MARCHF11: variants seen among roughly 807,000 people sequenced by gnomAD.
MARCHF11 encodes the protein E3 ubiquitin-protein ligase MARCHF11.
Under a neutral mutation model 37.3 loss-of-function variants are expected in MARCHF11, and 29 were observed. The ratio of observed to expected loss-of-function variants is 0.78; its 90% CI spans 0.58 to 1.06. MARCHF11 has a LOEUF of 1.06. Ranked by LOEUF, MARCHF11 falls within the 50% of genes least tolerant of loss-of-function variation. The probability of loss-of-function intolerance (pLI) is 0.00; values close to 1 mark genes in which losing one functional copy is unlikely to be tolerated. For missense variants in MARCHF11, 482 were observed against 533.4 expected, an observed-to-expected ratio of 0.90 and a Z score of 0.95; for synonymous variants, 233 against 228.0, an observed-to-expected ratio of 1.02 and a Z score of -0.20.
At chr5:16,073,125 A>C (rs533922245) in intron 3 of MARCHF11, among the ~76,000 whole-genome samples, 1 of 152,340 alleles carries the variant, frequency 6.6e-6, no homozygotes, top group Admixed American at 6.5e-5. Flanking sequence ...CACAGGAAGC[A>C]AATGAGGACT....
At chr5:16,138,671 A>G (rs964233206) in intron 2 of MARCHF11, among the ~76,000 whole-genome samples, 3 of 152,204 alleles carry the variant, frequency 2.0e-5, no homozygotes, top group Non-Finnish European at 1.5e-5. Context: ...CAACTCGTGA[A>G]AACAGCCAGG....
chr5:16,144,359 C>A (rs1232212604), intron 2 of MARCHF11, among the ~76,000 whole-genome samples: 1 of 152,150 alleles, frequency 6.6e-6, no homozygotes, highest in Non-Finnish European at 1.5e-5. Context: ...ATACCCAGAC[C>A]ATGCACACTC....
intron 2 of MARCHF11, among the ~76,000 whole-genome samples, chr5:16,127,457 G>A (rs1203299701): frequency 3.3e-5 from 5 of 152,148 alleles, no homozygotes; most frequent in Non-Finnish European, 5.9e-5. Context: ...GTGAGCAAAC[G>A]GAACTTTTTA....
chr5:16,096,559 G>C (rs796923455), intron 2 of MARCHF11, among the ~76,000 whole-genome samples: 5 of 152,304 alleles, frequency 3.3e-5, no homozygotes, highest in African/African-American at 1.2e-4. Context: ...TGAGAAATTA[G>C]AAAAGCACTC....
intron 3 of MARCHF11, among the ~76,000 whole-genome samples, chr5:16,082,300 C>T (rs921850910): frequency 3.9e-5 from 6 of 152,228 alleles, no homozygotes; most frequent in Non-Finnish European, 1.5e-5. Context: ...TCCTGGGGCG[C>T]GAAGCATGCT....
chr5:16,095,296 C>T (rs77867510), intron 2 of MARCHF11, among the ~76,000 whole-genome samples: 2,369 of 152,234 alleles, frequency 0.016, 69 homozygotes, highest in African/African-American at 0.053. Flanking sequence ...AGATGTCCCT[C>T]TAAGCTTCAG....
At chr5:16,080,280 C>T (rs1736585501) in intron 3 of MARCHF11, among the ~76,000 whole-genome samples, 1 of 152,180 alleles carries the variant, frequency 6.6e-6, no homozygotes, top group Non-Finnish European at 1.5e-5. Context: ...TGGCCACTTG[C>T]TCCTCCTCCT....
chr5:16,179,221 G>C lies in MARCHF11; in HGVS notation c.355C>G (p.Pro119Ala). The change falls in exon 1 of 4, where the codon CCC becomes GCC. Residue 119 changes from proline to alanine, a missense_variant. By Grantham distance (27) the Pro-to-Ala change is conservative. Coordinates refer to ENST00000332432, the MANE Select transcript of MARCHF11 (RefSeq NM_001102562.3). ...LPEAAAAKGGPGESEAGAGGE... is the reference protein window; with the variant it reads ...LPEAAAAKGGAGESEAGAGGE... ...CCCGCGCCGGCCTCAGACTCCCCGG[G>C]GCCGCCTTTCGCTGCTGCCGCCTCC... is the stretch of plus-strand genomic sequence containing the variant. The C allele has an allele frequency of 7.4e-7, 1 of 1,351,000 alleles. No homozygotes were observed. Among genetic ancestry groups the C allele is most frequent in the Admixed American group, 3.3e-5 (1 of 30,088 alleles). The allele number at this position is 1,351,000 out of a possible 1,614,324, so 83.7% of individuals were successfully genotyped here.
At chr5:16,084,699 C>T (rs567779735) in intron 3 of MARCHF11, among the ~76,000 whole-genome samples, 1 of 147,966 alleles carries the variant, frequency 6.8e-6, no homozygotes, top group Non-Finnish European at 1.5e-5. Flanking sequence ...TATTTCATTT[C>T]AAAGTACAGG....
intron 3 of MARCHF11, among the ~76,000 whole-genome samples, chr5:16,073,195 G>A (rs1486589228): frequency 6.6e-6 from 1 of 152,134 alleles, no homozygotes; most frequent in Non-Finnish European, 1.5e-5. Context: ...TAATAAACTG[G>A]TGCCACTTTT....
chr5:16,109,158 A>G (rs1242874954), intron 2 of MARCHF11, among the ~76,000 whole-genome samples: 1 of 150,826 alleles, frequency 6.6e-6, no homozygotes, highest in Non-Finnish European at 1.5e-5. Context: ...TCTTTGACCT[A>G]TGTCCTGGAA....
chr5:16,103,090 C>A (rs2126564741), intron 2 of MARCHF11, among the ~76,000 whole-genome samples: 1 of 146,236 alleles, frequency 6.8e-6, no homozygotes, highest in East Asian at 2.1e-4. Context: ...CAGAAGTCAC[C>A]ATGAGATCAC....
intron 2 of MARCHF11, among the ~76,000 whole-genome samples, chr5:16,125,375 C>T (rs1737384784): frequency 7.1e-6 from 1 of 141,670 alleles, no homozygotes; most frequent in African/African-American, 2.5e-5. Context: ...AGTTCATGTT[C>T]AACACATCCT....
At chr5:16,166,891 A>ATGTGTG (rs3993864) in intron 2 of MARCHF11, among the ~76,000 whole-genome samples, 3 of 149,280 alleles carry the variant, frequency 2.0e-5, no homozygotes, top group Non-Finnish European at 4.5e-5. Flanking sequence ...AACCAACAGG[A>ATGTGTG]TGTGTGTGTG....
chr5:16,115,630 C>CT (rs5866171), intron 2 of MARCHF11, among the ~76,000 whole-genome samples: 125 of 143,582 alleles, frequency 8.7e-4, no homozygotes, highest in Admixed American at 1.3e-3. Flanking sequence ...AGCTTGTTTG[C>CT]TTTTTTTTTT....
chr5:16,116,225 C>CGAA (rs1737224099), intron 2 of MARCHF11, among the ~76,000 whole-genome samples: 1 of 152,116 alleles, frequency 6.6e-6, no homozygotes, highest in Non-Finnish European at 1.5e-5. Context: ...ACAAGGCTTT[C>CGAA]CGTCTGTCTG....
intron 2 of MARCHF11, among the ~76,000 whole-genome samples, chr5:16,135,418 T>TA (rs923612115): frequency 6.6e-6 from 1 of 152,036 alleles, no homozygotes; most frequent in Non-Finnish European, 1.5e-5. Flanking sequence ...TTAAAGAATT[T>TA]AAAAAATCAA....
At chr5:16,085,577 T>C (rs1235009035) in intron 3 of MARCHF11, among the ~76,000 whole-genome samples, 25 of 85,714 alleles carry the variant, frequency 2.9e-4, no homozygotes, top group African/African-American at 1.1e-3. Flanking sequence ...CTCATATGTA[T>C]CGGTGGGTGG....
At chr5:16,176,113 C>T (rs1738349430) in intron 2 of MARCHF11, among the ~76,000 whole-genome samples, 1 of 150,468 alleles carries the variant, frequency 6.6e-6, no homozygotes, top group Non-Finnish European at 1.5e-5. Flanking sequence ...TTTTTTGCCC[C>T]AGCTCTTGAT....
Sources: allele counts gnomAD v4.1 joint callset (sites outside exome capture counted in the v4.1 genomes callset), GRCh38; gene constraint gnomAD v4.1.1; transcripts MANE v1.5; gene names NCBI Gene and HGNC (gene_info 2026-07-23, HGNC 2026-07-21).